The following GPATCH8 variants were observed in gnomAD, a reference collection of about 807,000 sequenced individuals.
GPATCH8 encodes G-patch domain containing 8.
GPATCH8 carries 18 observed loss-of-function variants against 118.3 expected under a neutral mutation model. That is an observed-to-expected ratio of 0.15 (90% CI 0.11 to 0.23). GPATCH8 has a LOEUF of 0.23. Ranked by LOEUF, GPATCH8 falls within the 10% of genes least tolerant of loss-of-function variation. The pLI is 1.00. For missense variants in GPATCH8, 1,631 were observed against 1,873.8 expected (o/e 0.87, Z 2.39); for synonymous variants, 659 against 684.7 (o/e 0.96, Z 0.59).
chr17:44,494,278 A>C (rs902506570), intron 1 of GPATCH8, among the ~76,000 whole-genome samples: 1 of 151,980 alleles, frequency 6.6e-6, no homozygotes, highest in Non-Finnish European at 1.5e-5. Flanking sequence ...GTCCTCATTC[A>C]TCTCCTTACC....
chr17:44,461,111 A>T (rs2051529590), intron 3 of GPATCH8, among the ~76,000 whole-genome samples: 1 of 152,180 alleles, frequency 6.6e-6, no homozygotes, highest in Non-Finnish European at 1.5e-5. Context: ...CACATACACA[A>T]CTGTACACTT....
At chr17:44,431,213 A>G (rs997569518) in intron 5 of GPATCH8, among the ~76,000 whole-genome samples, 2 of 151,392 alleles carry the variant, frequency 1.3e-5, no homozygotes, top group African/African-American at 4.8e-5. Flanking sequence ...TCCACTAAAA[A>G]TACCAAAATA....
chr17:44,490,654 T>TAA (rs35632047), intron 1 of GPATCH8, among the ~76,000 whole-genome samples: 47 of 140,034 alleles, frequency 3.4e-4, no homozygotes, highest in African/African-American at 9.7e-4. Flanking sequence ...CTAGCTTTTC[T>TAA]AAAAAAAAAA....
At chr17:44,427,017 G>A (rs977326190) in intron 5 of GPATCH8, among the ~76,000 whole-genome samples, 1 of 151,898 alleles carries the variant, frequency 6.6e-6, no homozygotes, top group Non-Finnish European at 1.5e-5. Context: ...TTATATGTAT[G>A]TGTACATATA....
rs756995440 is a variant in GPATCH8 at position 44,464,546 on chromosome 17, TGACA to T, written c.121-6_121-3del. On this transcript the variant is annotated splice_region_variant and splice_polypyrimidine_tract_variant and intron_variant, in intron 2 of 7. Transcript: ENST00000591680. Reference sequence around the variant, plus strand: ...GAGTAAGCGGTGTCCAATATTATCCTGACAGACAGAACAGAGAGACAAACCAAAA... The same window carrying T: ...GAGTAAGCGGTGTCCAATATTATCCTGACAGAACAGAGAGACAAACCAAAA... 7 of 1,579,962 alleles carry T rather than the reference TGACA, an allele frequency of 4.4e-6. No homozygotes were observed. The highest frequency in any genetic ancestry group is 2.2e-5 in the South Asian group (2 of 90,364).
chr17:44,448,733 A>C (rs938476503), intron 3 of GPATCH8, among the ~76,000 whole-genome samples: 2 of 151,916 alleles, frequency 1.3e-5, no homozygotes, highest in African/African-American at 4.8e-5. Flanking sequence ...GTCTATGAAT[A>C]CTAAGATAGG....
At chr17:44,487,514 A>C (rs556981595) in intron 1 of GPATCH8, among the ~76,000 whole-genome samples, 3 of 152,342 alleles carry the variant, frequency 2.0e-5, no homozygotes, top group Admixed American at 1.3e-4. Flanking sequence ...CCTTTGGTTA[A>C]GTACTAAGGA....
In GPATCH8 at chr17:44,467,178, T is replaced by TTTTTTTTG. The variant is rs967921624; in HGVS notation, c.121-2642_121-2635dup. ...ACTGTCCAATCACTAATGGTCGTTT[T>TTTTTTTTG]TTTTTTTGTCTTGTTTTCAATTCAC... On this transcript the variant is annotated intron_variant, in intron 2 of 7. Coordinates refer to ENST00000591680, the MANE Select transcript of GPATCH8 (RefSeq NM_001002909.4). 2.7e-5 allele frequency: 17 copies of TTTTTTTTG among 633,584 alleles called. No individual in the cohort carries two copies. The African/African-American group carries it at 3.2e-4, about 12-fold the overall frequency. 39.2% of individuals were successfully genotyped at this position (633,584 alleles called of 1,614,324 possible). A position where few individuals can be genotyped will look rare whatever the true frequency, so the allele number is the denominator to read the frequency against.
chr17:44,453,500 G>GTGTGTGTGTGTGTGTGTGTGT lies in GPATCH8; in HGVS notation c.193+10971_193+10972insACACACACACACACACACACA, dbSNP rs1568011427. On this transcript the variant is annotated intron_variant, in intron 3 of 7. Transcript: ENST00000591680. ...AGTTGTAGGTAGGTAGGTAGGTAGG[G>GTGTGTGTGTGTGTGTGTGTGT]GTGTGTGTGTGTGTGTGTGTGTGTG... 4.3e-4 allele frequency among the ~76,000 whole-genome samples: 62 copies of GTGTGTGTGTGTGTGTGTGTGT among 142,772 alleles called. 1 individual carries two copies. Among genetic ancestry groups the GTGTGTGTGTGTGTGTGTGTGT allele is most frequent in the Admixed American group, 1.5e-3 (21 of 14,382 alleles). The allele number at this position is 142,772 out of a possible 152,430, so 93.7% of individuals were successfully genotyped here.
At chr17:44,424,527 T>C (rs1567969218) in intron 5 of GPATCH8, 35 bp from the exon 6 acceptor site, 1 of 1,530,326 alleles carries the variant, frequency 6.5e-7, no homozygotes, top group Non-Finnish European at 9.0e-7. Flanking sequence ...AAACAAAAAA[T>C]GAACTTGGTA....
intron 1 of GPATCH8, among the ~76,000 whole-genome samples, chr17:44,492,781 T>G (rs1969358001): frequency 6.6e-6 from 1 of 152,164 alleles, no homozygotes; most frequent in Admixed American, 6.6e-5. Flanking sequence ...AAGGATAAGC[T>G]TGTAGAACCC....
intron 3 of GPATCH8, among the ~76,000 whole-genome samples, chr17:44,462,351 C>T (rs1176846480): frequency 6.6e-6 from 1 of 152,186 alleles, no homozygotes; most frequent in African/African-American, 2.4e-5. Flanking sequence ...TCAAGTCAAC[C>T]CAACACTTAA....
At chr17:44,499,753 A>C (rs554651812) in intron 1 of GPATCH8, among the ~76,000 whole-genome samples, 1 of 152,322 alleles carries the variant, frequency 6.6e-6, no homozygotes, top group African/African-American at 2.4e-5. Context: ...TCAATTTGGG[A>C]ACAAATATAT....
rs761416780 is a variant in GPATCH8, at chr17:44,401,048, C to A, written c.1029G>T (p.Leu343=). Reference sequence around the variant, plus strand: ...TCCCATCAGAGTCTCCTACCTTCTGCAGTCCTTGGTCAGAACTCTTCTCAT... The same window carrying A: ...TCCCATCAGAGTCTCCTACCTTCTGAAGTCCTTGGTCAGAACTCTTCTCAT... The part of the protein sequence containing the change: ...KPDEKSSDQG[L]QKVGDSDGSS... Residue 343 remains leucine (L), a synonymous_variant, in exon 8 of 8, where the codon CTG becomes CTT. Coordinates refer to ENST00000591680, the MANE Select transcript of GPATCH8 (RefSeq NM_001002909.4). The A allele has an allele frequency of 1.2e-6, 2 of 1,614,166 alleles. No homozygotes were observed. Among genetic ancestry groups the A allele is most frequent in the Non-Finnish European group, 1.7e-6 (2 of 1,180,010 alleles).
intron 3 of GPATCH8, among the ~76,000 whole-genome samples, chr17:44,464,208 T>A (rs1436484194): frequency 1.3e-5 from 2 of 152,042 alleles, no homozygotes; most frequent in Non-Finnish European, 2.9e-5. Context: ...AAAAAAAAAA[T>A]TTAAAACAGG....
chr17:44,435,292 T>TCACC, intron 4 of GPATCH8, 141 bp from the exon 5 acceptor site: 2 of 656,400 alleles, frequency 3.0e-6, no homozygotes, highest in South Asian at 3.4e-5. Context: ...TGCTTTATTG[T>TCACC]CACCTCACAG....
rs1331132038 is a variant in GPATCH8, at chr17:44,396,404, T to A, written c.*1164A>T. On this transcript the variant is annotated 3_prime_UTR_variant, in exon 8 of 8. Coordinates refer to ENST00000591680, the MANE Select transcript of GPATCH8 (RefSeq NM_001002909.4). ...AAGCCCCCAGCTGACTGCTGCCCAT[T>A]AGCTCAAAAATCCCAATACTGGGGG... 2.2e-6 allele frequency: 1 copy of A among 454,312 alleles called. No individual in the cohort carries two copies. The highest frequency in any genetic ancestry group is 2.0e-5 in the African/African-American group (1 of 50,004). 28.1% of individuals were successfully genotyped at this position (454,312 alleles called of 1,614,324 possible).
intron 2 of GPATCH8, chr17:44,464,776 T>G: frequency 1.9e-6 from 1 of 516,910 alleles, no homozygotes; most frequent in Non-Finnish European, 3.5e-6. Context: ...TCTGATGGTG[T>G]GTTGGGCAAC....
Position 44,495,823 on chromosome 17 carries a change from G to C in GPATCH8, c.45+7503C>G, listed in dbSNP as rs953244707. 2.6e-5 allele frequency among the ~76,000 whole-genome samples: 4 copies of C among 152,086 alleles called. No individual in the cohort carries two copies. In the East Asian group the frequency reaches 5.8e-4, roughly 22 times the overall value. ...ATTCATAGCAACAAGGGAAATTACT[G>C]ACACTACAGCATACAATCCACAAGC... On this transcript the variant is annotated intron_variant, in intron 1 of 7. Coordinates refer to ENST00000591680, the MANE Select transcript of GPATCH8 (RefSeq NM_001002909.4).
Sources: allele counts gnomAD v4.1 joint callset (sites outside exome capture counted in the v4.1 genomes callset), GRCh38; gene constraint gnomAD v4.1.1; transcripts MANE v1.5; gene names NCBI Gene and HGNC (gene_info 2026-07-23, HGNC 2026-07-21).